The following NKIRAS1 variants were observed in gnomAD, a reference collection of about 807,000 sequenced individuals.
The protein encoded by NKIRAS1 is NFKB inhibitor interacting Ras like 1, also known as NF-kappa-B inhibitor-interacting Ras-like protein 1.
A neutral mutation model predicts 19.8 loss-of-function variants in NKIRAS1; 16 were observed. The observed-to-expected ratio is 0.81, with a 90% CI of 0.55 to 1.23. NKIRAS1 has a LOEUF of 1.23. Ranked by LOEUF, NKIRAS1 falls within the 50% of genes most tolerant of loss-of-function variation. The pLI is 0.00. For synonymous variants in NKIRAS1, 88 were observed against 79.0 expected, an observed-to-expected ratio of 1.11 and a Z score of -0.61; for missense variants, 184 against 220.0, an observed-to-expected ratio of 0.84 and a Z score of 1.04.
At chr3:23,902,797 T>C (rs1702648286) in intron 3 of NKIRAS1, among the ~76,000 whole-genome samples, 1 of 152,174 alleles carries the variant, frequency 6.6e-6, no homozygotes, top group East Asian at 1.9e-4. Context: ...GAGTATAAAA[T>C]AGAGGCTGTC....
At chr3:23,921,558 A>G, upstream of NKIRAS1, 5 of 658,676 alleles carry the variant, frequency 7.6e-6, no homozygotes, top group South Asian at 3.2e-5. Flanking sequence ...ACACAGCAAC[A>G]TTGATTATTG....
chr3:23,934,274 C>T (rs1705359476), intron 1 of NKIRAS1, among the ~76,000 whole-genome samples: 3 of 152,172 alleles, frequency 2.0e-5, no homozygotes. Flanking sequence ...TCTCACCTTT[C>T]CTCACCCCCA....
At chr3:23,917,601 T>G, upstream of NKIRAS1, 1 of 426,854 alleles carries the variant, frequency 2.3e-6, no homozygotes, top group East Asian at 4.7e-5. Context: ...TGGTGCTCAG[T>G]TCTGGTTCTG....
At chr3:23,931,861 C>T (rs900003191) in intron 1 of NKIRAS1, among the ~76,000 whole-genome samples, 11 of 152,192 alleles carry the variant, frequency 7.2e-5, no homozygotes, top group African/African-American at 2.7e-4. Context: ...CAGCTCCTTG[C>T]CCCAAAGGCT....
rs145818473 is a variant in NKIRAS1, at chr3:23,926,090, G to A, written c.-139-14640C>T. Reference sequence around the variant, plus strand: ...TTTTGAGACAGCGTCTTGCTCTGTCGCCCAGGCTGGAGTGCAGTGGCACAA... The same window carrying A: ...TTTTGAGACAGCGTCTTGCTCTGTCACCCAGGCTGGAGTGCAGTGGCACAA... On this transcript the variant is annotated intron_variant, in intron 1 of 4. Transcript: ENST00000421515. The surrounding 1 kb of genome is among the most constrained non-coding windows in gnomAD (Gnocchi z 4.3). Among the ~76,000 whole-genome samples the A allele has an allele frequency of 2.2e-4, 34 of 151,662 alleles. No individual in the cohort carries two copies. Among genetic ancestry groups the A allele is most frequent in the African/African-American group, 6.5e-4 (27 of 41,324 alleles).
chr3:23,918,359 G>A (rs1704812649), upstream of NKIRAS1: 1 of 1,462,130 alleles, frequency 6.8e-7, no homozygotes, highest in Non-Finnish European at 9.2e-7. Flanking sequence ...TATTTTTGGT[G>A]GAGTATTAGT....
chr3:23,937,347 AAAAAAGAAAAG>A (rs1559516994), intron 1 of NKIRAS1, among the ~76,000 whole-genome samples: 5 of 152,154 alleles, frequency 3.3e-5, no homozygotes, highest in South Asian at 4.1e-4. Context: ...AAGAAAAAGA[AAAAAAGAAAAG>A]AAAAAGAAAA....
intron 1 of NKIRAS1, among the ~76,000 whole-genome samples, chr3:23,943,520 C>G (rs916355217): frequency 4.6e-5 from 7 of 152,182 alleles, no homozygotes; most frequent in Non-Finnish European, 1.0e-4. Flanking sequence ...CGTCAGCCCC[C>G]GCGCCCAGCC....
rs961212599 is a variant in NKIRAS1, at chr3:23,916,829, G to C, written c.-185C>G. The C allele has an allele frequency of 6.5e-6, 1 of 152,778 alleles. No individual in the cohort carries two copies. Among genetic ancestry groups the C allele is most frequent in the African/African-American group, 2.4e-5 (1 of 41,480 alleles). The allele number at this position is 152,778 out of a possible 1,614,324, so 9.5% of individuals were successfully genotyped here. A position where few individuals can be genotyped will look rare whatever the true frequency, so the allele number is the denominator to read the frequency against. On this transcript the variant is annotated 5_prime_UTR_variant, in exon 1 of 5. Transcript: ENST00000425478. ...AAAGACAGCGGCTCCACCGCGGTAC[G>C]CGGCCACCGGCTTTGGAGCCTGGAC...
At position 23,889,969 on chromosome 3, in the gene NKIRAS1, T is replaced by A. The variant is rs1464066506; in HGVS notation, c.*3126A>T. ...AAATATATTTTCTAGGTAAACCAAA[T>A]ATAAATTTATTAAAGATCCTAAGAT... On this transcript the variant is annotated 3_prime_UTR_variant, in exon 5 of 5. Transcript: ENST00000425478. 6.4e-6 allele frequency: 1 copy of A among 155,198 alleles called. No individual in the cohort carries two copies. Among genetic ancestry groups the A allele is most frequent in the African/African-American group, 2.4e-5 (1 of 41,432 alleles). The allele number at this position is 155,198 out of a possible 1,614,324, so 9.6% of individuals were successfully genotyped here.
intron 4 of NKIRAS1, among the ~76,000 whole-genome samples, chr3:23,897,685 T>C (rs998141014): frequency 2.6e-5 from 4 of 152,168 alleles, no homozygotes; most frequent in African/African-American, 9.7e-5. Flanking sequence ...CTTCCAGACA[T>C]CAGCTTTGTT....
upstream of NKIRAS1, chr3:23,919,269 A>C: frequency 4.3e-6 from 7 of 1,612,454 alleles, no homozygotes; most frequent in Non-Finnish European, 5.1e-6. Context: ...TCCACATACA[A>C]ATTTTTTGAG....
At chr3:23,939,732 A>AGACTCC (rs1705458653) in intron 1 of NKIRAS1, among the ~76,000 whole-genome samples, 1 of 152,270 alleles carries the variant, frequency 6.6e-6, no homozygotes. Context: ...TGACAGAGCG[A>AGACTCC]GACTCCGTCT....
intron 3 of NKIRAS1, among the ~76,000 whole-genome samples, chr3:23,902,805 G>A (rs1260788126): frequency 6.6e-6 from 1 of 152,192 alleles, no homozygotes; most frequent in African/African-American, 2.4e-5. Context: ...AATAGAGGCT[G>A]TCTAGACTGT....
chr3:23,941,616 C>T (rs761224723), intron 1 of NKIRAS1, among the ~76,000 whole-genome samples: 1 of 152,132 alleles, frequency 6.6e-6, no homozygotes, highest in Non-Finnish European at 1.5e-5. Flanking sequence ...CAGCAAAAGG[C>T]AATTTCCACC....
chr3:23,942,834 A>C (rs1426431803), intron 1 of NKIRAS1, among the ~76,000 whole-genome samples: 1 of 151,988 alleles, frequency 6.6e-6, no homozygotes, highest in Non-Finnish European at 1.5e-5. Context: ...CTGCAGCCTC[A>C]ACCTCCCAGA....
At chr3:23,895,252 T>C (rs1455967712) in intron 4 of NKIRAS1, among the ~76,000 whole-genome samples, 1 of 152,076 alleles carries the variant, frequency 6.6e-6, no homozygotes, top group African/African-American at 2.4e-5. Context: ...CTTCAAGCAA[T>C]CCTCCTGCCT....
intron 4 of NKIRAS1, among the ~76,000 whole-genome samples, chr3:23,900,461 C>T (rs1190237456): frequency 6.6e-6 from 1 of 151,694 alleles, no homozygotes; most frequent in Non-Finnish European, 1.5e-5. Flanking sequence ...GCGGTAATAC[C>T]CTGTCTCCAC....
chr3:23,890,501 T>C lies in NKIRAS1; in HGVS notation c.*2594A>G. 1 of 1,609,744 alleles carries C rather than the reference T, an allele frequency of 6.2e-7. No homozygotes were observed. Among genetic ancestry groups the C allele is most frequent in the Non-Finnish European group, 8.5e-7 (1 of 1,178,520 alleles). On this transcript the variant is annotated 3_prime_UTR_variant, in exon 5 of 5. Transcript: ENST00000425478. ...TTCTCCAAAGTAATCTACATTCTTT[T>C]CTTCCAGCCGACCCCTTGGTGGGAA...
Sources: gnomAD v4.1 joint callset for allele counts (sites outside exome capture counted in the v4.1 genomes callset) on GRCh38, gnomAD v4.1.1 for gene constraint, Gnocchi (gnomAD v3.1) non-coding constraint, MANE v1.5 for transcripts, NCBI Gene and HGNC (gene_info 2026-07-23, HGNC 2026-07-21) for gene names.